The following GOLIM4 variants were observed in gnomAD, a reference collection of about 807,000 sequenced individuals.
The protein encoded by GOLIM4 is golgi integral membrane protein 4.
A neutral mutation model predicts 107.4 loss-of-function variants in GOLIM4; 71 were observed. The ratio of observed to expected loss-of-function variants is 0.66; its 90% CI spans 0.55 to 0.81. GOLIM4 has a LOEUF of 0.81. Among genes scored for constraint, GOLIM4 ranks in the 30% least tolerant of loss-of-function variants. GOLIM4 has a pLI of 0.00. For missense variants in GOLIM4, 830 were observed against 826.1 expected (o/e 1.00, Z -0.06); for synonymous variants, 327 against 294.8 (o/e 1.11, Z -1.12).
rs1233755205 is a variant in GOLIM4, at chr3:168,040,875, C to CA, written c.601-7dup. On this transcript the variant is annotated splice_region_variant and splice_polypyrimidine_tract_variant and intron_variant, in intron 6 of 15. Transcript: ENST00000470487. The stretch of plus-strand genomic sequence containing the variant: ...AGTAAATTCTTATGCTGTTGCTACA[C>CA]AAAAAAGAATTTTACATGTTGAGCT... 3.1e-6 allele frequency: 5 copies of CA among 1,597,430 alleles called. No homozygotes were observed. The highest frequency in any genetic ancestry group is 3.4e-6 in the Non-Finnish European group (4 of 1,165,682).
Position 168,029,752 on chromosome 3 carries a change from T to C in GOLIM4, c.1433+28A>G, listed in dbSNP as rs369904396. 1.1e-5 allele frequency: 18 copies of C among 1,607,764 alleles called. No individual in the cohort carries two copies. In the African/African-American group the frequency reaches 2.4e-4, roughly 21 times the overall value. ...TATGAAAACTGGAGCAGGGGCTGTC[T>C]TCGTTCATTAAGGAAGGGGAAGGCT... is the stretch of plus-strand genomic sequence containing the variant. On this transcript the variant is annotated intron_variant, in intron 10 of 15. Coordinates refer to ENST00000470487, the MANE Select transcript of GOLIM4 (RefSeq NM_014498.5).
At chr3:168,025,713 G>A (rs139185397) in intron 12 of GOLIM4, among the ~76,000 whole-genome samples, 276 of 152,288 alleles carry the variant, frequency 1.8e-3, no homozygotes, top group African/African-American at 6.3e-3. Context: ...CTGAACTGGC[G>A]AGGGATGGGA....
intron 14 of GOLIM4, among the ~76,000 whole-genome samples, chr3:168,011,914 C>A (rs1717060723): frequency 7.0e-6 from 1 of 142,788 alleles, no homozygotes; most frequent in Admixed American, 6.8e-5. Flanking sequence ...CATCAAAGAC[C>A]AAAAGCAGAT....
intron 1 of GOLIM4, among the ~76,000 whole-genome samples, chr3:168,068,900 G>A (rs970699610): frequency 2.0e-5 from 3 of 150,588 alleles, no homozygotes; most frequent in South Asian, 2.1e-4. Flanking sequence ...TCAATGGCAC[G>A]ATCTCGGCTC....
At chr3:168,078,748 T>C (rs967970423) in intron 1 of GOLIM4, among the ~76,000 whole-genome samples, 2 of 152,164 alleles carry the variant, frequency 1.3e-5, no homozygotes, top group African/African-American at 2.4e-5. Context: ...TGTATTTTTA[T>C]AAATAAATAA....
At chr3:168,062,366 A>AT (rs1013157321) in intron 1 of GOLIM4, among the ~76,000 whole-genome samples, 46 of 150,120 alleles carry the variant, frequency 3.1e-4, no homozygotes, top group African/African-American at 1.1e-3. Flanking sequence ...GAACACATTC[A>AT]TGCTTTCTAT....
At chr3:168,066,178 C>CTT (rs71632490) in intron 1 of GOLIM4, among the ~76,000 whole-genome samples, 7 of 147,268 alleles carry the variant, frequency 4.8e-5, no homozygotes, top group Non-Finnish European at 4.5e-5. Context: ...GGCTTAAGAT[C>CTT]TTTTTTTTTT....
At position 168,045,322 on chromosome 3, in the gene GOLIM4, G is replaced by T. The variant is rs943053854; in HGVS notation, c.313-441C>A. On this transcript the variant is annotated intron_variant, in intron 3 of 15. Transcript: ENST00000470487. The stretch of plus-strand genomic sequence containing the variant: ...CTGAGCATGGCTTAAAGGGGGAAGA[G>T]AAAAGGCACTTTCTTTCCCTGAACT... Among the ~76,000 whole-genome samples, 4 of 152,176 alleles carry T rather than the reference G, an allele frequency of 2.6e-5. No individual in the cohort carries two copies. The East Asian group carries it at 7.7e-4, about 29-fold the overall frequency.
intron 1 of GOLIM4, among the ~76,000 whole-genome samples, chr3:168,087,090 A>T (rs901288794): frequency 1.3e-5 from 2 of 152,172 alleles, no homozygotes; most frequent in Non-Finnish European, 2.9e-5. Context: ...GGCACCCCTC[A>T]GGCGAGTTCT....
chr3:168,027,130 A>C (rs1042726364), intron 12 of GOLIM4, among the ~76,000 whole-genome samples: 2 of 152,210 alleles, frequency 1.3e-5, no homozygotes, highest in Non-Finnish European at 2.9e-5. Flanking sequence ...CTTTTTTGGT[A>C]AACACAAACA....
chr3:168,055,405 C>T (rs1178440980), intron 1 of GOLIM4, among the ~76,000 whole-genome samples: 10 of 152,174 alleles, frequency 6.6e-5, no homozygotes, highest in South Asian at 2.1e-4. Flanking sequence ...AAGAGACTGA[C>T]GGCATTTTGC....
intron 14 of GOLIM4, among the ~76,000 whole-genome samples, chr3:168,021,966 C>T (rs1403811964): frequency 1.3e-5 from 2 of 152,296 alleles, no homozygotes; most frequent in East Asian, 1.9e-4. Context: ...GGCGATAAAA[C>T]GTTTGGAATG....
At chr3:168,038,486 T>A (rs1350546754) in intron 7 of GOLIM4, among the ~76,000 whole-genome samples, 1 of 152,202 alleles carries the variant, frequency 6.6e-6, no homozygotes, top group African/African-American at 2.4e-5. Context: ...ACTTAAGAGT[T>A]AAGCGTGATT....
chr3:168,068,446 TA>T (rs1321398237), intron 1 of GOLIM4, among the ~76,000 whole-genome samples: 1 of 152,148 alleles, frequency 6.6e-6, no homozygotes, highest in Non-Finnish European at 1.5e-5. Flanking sequence ...TTCTGAATTT[TA>T]AAAAACAGGT....
chr3:168,059,584 G>T (rs2108266298), intron 1 of GOLIM4, among the ~76,000 whole-genome samples: 1 of 151,474 alleles, frequency 6.6e-6, no homozygotes, highest in African/African-American at 2.4e-5. Context: ...CAGATATATG[G>T]GGACATACTG....
At chr3:168,023,247 AAT>A (rs1242560652) in intron 14 of GOLIM4, among the ~76,000 whole-genome samples, 1 of 152,212 alleles carries the variant, frequency 6.6e-6, no homozygotes, top group Non-Finnish European at 1.5e-5. Context: ...AGCCTGGATG[AAT>A]ATCTTTTTCT....
At position 168,049,112 on chromosome 3, in the gene GOLIM4, T is replaced by C. The variant is rs571760870; in HGVS notation, c.188-747A>G. ...TATCCTCCCTCCCCACCCAGTCTAC[T>C]CTGAAGAATCCAGAGTCGCCTGGTG... is the stretch of plus-strand genomic sequence containing the variant. On this transcript the variant is annotated intron_variant, in intron 1 of 15. Coordinates refer to ENST00000470487, the MANE Select transcript of GOLIM4 (RefSeq NM_014498.5). Among the ~76,000 whole-genome samples, 7 of 152,252 alleles carry C rather than the reference T, an allele frequency of 4.6e-5. No individual in the cohort carries two copies. In the South Asian group the frequency reaches 1.5e-3, roughly 32 times the overall value.
intron 1 of GOLIM4, among the ~76,000 whole-genome samples, chr3:168,063,718 G>C: frequency 7.4e-6 from 1 of 134,648 alleles, no homozygotes; most frequent in Non-Finnish European, 1.6e-5. Context: ...AAAGGGCAGG[G>C]GAGTGGGGGA....
intron 1 of GOLIM4, among the ~76,000 whole-genome samples, chr3:168,093,799 C>T (rs1393255622): frequency 1.3e-5 from 2 of 152,136 alleles, no homozygotes; most frequent in Non-Finnish European, 2.9e-5. Flanking sequence ...GCTAAAAATA[C>T]TTTTCTTTCT....
Sources: allele counts gnomAD v4.1 joint callset (sites outside exome capture counted in the v4.1 genomes callset), GRCh38; gene constraint gnomAD v4.1.1; transcripts MANE v1.5; gene names NCBI Gene and HGNC (gene_info 2026-07-23, HGNC 2026-07-21).